ZNF787: variants seen among roughly 807,000 people sequenced by gnomAD.
ZNF787 encodes the protein TTF-I-interacting peptide 20.
In ZNF787, 7 loss-of-function variants were observed where a neutral mutation model predicts 16.9. The ratio of observed to expected loss-of-function variants is 0.42; its 90% CI spans 0.24 to 0.78. The LOEUF (loss-of-function observed/expected upper bound fraction) is 0.78. ZNF787 is among the 30% of genes least tolerant of loss of function. The pLI, the probability that ZNF787 is intolerant of heterozygous loss-of-function variation, is 0.30. For missense variants in ZNF787, 551 were observed against 589.3 expected (o/e 0.94, Z 0.67); for synonymous variants, 345 against 270.9 (o/e 1.27, Z -2.69).
At chr19:56,110,165 G>C (rs553759371) in intron 1 of ZNF787, among the ~76,000 whole-genome samples, 3 of 152,288 alleles carry the variant, frequency 2.0e-5, no homozygotes, top group African/African-American at 7.2e-5. Flanking sequence ...TTCAAGACCA[G>C]CCCGGCCAAT....
chr19:56,113,546 A>G (rs2030043404), intron 1 of ZNF787, among the ~76,000 whole-genome samples: 1 of 152,204 alleles, frequency 6.6e-6, no homozygotes, highest in Non-Finnish European at 1.5e-5. Flanking sequence ...TGTGAAGTTC[A>G]GCTGTGACAG....
chr19:56,105,029 A>G (rs913026521), intron 1 of ZNF787, among the ~76,000 whole-genome samples: 3 of 152,158 alleles, frequency 2.0e-5, no homozygotes, highest in Non-Finnish European at 4.4e-5. Flanking sequence ...TCAGGAGGCT[A>G]AGGCAGGAGA....
chr19:56,107,339 CTG>C (rs1292339444), intron 1 of ZNF787, among the ~76,000 whole-genome samples: 2 of 152,172 alleles, frequency 1.3e-5, no homozygotes, highest in Admixed American at 6.5e-5. Context: ...GCCTCAGAAA[CTG>C]TGTTCAAATC....
chr19:56,089,882 G>A (rs1481774298), intron 2 of ZNF787, among the ~76,000 whole-genome samples: 4 of 152,144 alleles, frequency 2.6e-5, no homozygotes, highest in East Asian at 1.9e-4. Flanking sequence ...GGGCTCTCCC[G>A]GGAGGGATGG....
chr19:56,087,858 A>G lies in ZNF787; in HGVS notation c.*165T>C. The G allele has an allele frequency of 1.8e-6, 2 of 1,135,440 alleles. No individual in the cohort carries two copies. Among genetic ancestry groups the G allele is most frequent in the Non-Finnish European group, 2.2e-6 (2 of 894,528 alleles). 70.3% of individuals were successfully genotyped at this position (1,135,440 alleles called of 1,614,324 possible). A position where few individuals can be genotyped will look rare whatever the true frequency, so the allele number is the denominator to read the frequency against. On this transcript the variant is annotated 3_prime_UTR_variant, in exon 3 of 3. Coordinates refer to ENST00000610935, the MANE Select transcript of ZNF787 (RefSeq NM_001002836.4). ...AAGTGAACGGGCCCTAATACGCCCC[A>G]GTGCCCCCCCACGGACGGCGCAGGG...
chr19:56,102,330 G>GTGGGGCCAGCGTGGGCCTGGGACC (rs1986131177), intron 2 of ZNF787: 1 of 152,928 alleles, frequency 6.5e-6, no homozygotes, highest in Non-Finnish European at 1.5e-5. Flanking sequence ...CCCGGCCAGC[G>GTGGGGCCAGCGTGGGCCTGGGACC]TGGGGCCAGC....
At chr19:56,109,246 G>A (rs1421594142) in intron 1 of ZNF787, among the ~76,000 whole-genome samples, 1 of 152,198 alleles carries the variant, frequency 6.6e-6, no homozygotes, top group African/African-American at 2.4e-5. Context: ...TAGATGGCTG[G>A]GTGCTGGGGG....
chr19:56,114,638 C>A (rs1201152069), intron 1 of ZNF787, among the ~76,000 whole-genome samples: 1 of 152,184 alleles, frequency 6.6e-6, no homozygotes, highest in Non-Finnish European at 1.5e-5. Flanking sequence ...CCCACCTTTC[C>A]CATGGCAGGG....
chr19:56,109,834 A>G (rs1345907225), intron 1 of ZNF787, among the ~76,000 whole-genome samples: 2 of 152,092 alleles, frequency 1.3e-5, no homozygotes, highest in Non-Finnish European at 2.9e-5. Context: ...CAGTGAGCCG[A>G]GATCACGCCA....
intron 1 of ZNF787, among the ~76,000 whole-genome samples, chr19:56,113,288 C>G: frequency 6.6e-6 from 1 of 152,092 alleles, no homozygotes; most frequent in East Asian, 1.9e-4. Context: ...CTGGTGCGGG[C>G]GCCATAGGAA....
At chr19:56,106,413 T>C (rs1370658679) in intron 1 of ZNF787, among the ~76,000 whole-genome samples, 1 of 152,252 alleles carries the variant, frequency 6.6e-6, no homozygotes, top group Non-Finnish European at 1.5e-5. Flanking sequence ...CATCCATTTA[T>C]TTCTGTGGAC....
intron 1 of ZNF787, among the ~76,000 whole-genome samples, chr19:56,111,847 G>A (rs1017642190): frequency 1.3e-5 from 2 of 152,162 alleles, no homozygotes; most frequent in African/African-American, 2.4e-5. Flanking sequence ...TCTGCCACCC[G>A]CGGAAATGGC....
intron 2 of ZNF787, among the ~76,000 whole-genome samples, chr19:56,098,218 A>G (rs1040320441): frequency 6.6e-6 from 1 of 152,206 alleles, no homozygotes; most frequent in Non-Finnish European, 1.5e-5. Flanking sequence ...AACAGGGGAC[A>G]TGGCCGGGAG....
Position 56,091,720 on chromosome 19 carries a change from G to A in ZNF787, c.80-2628C>T, listed in dbSNP as rs529903419. The stretch of plus-strand genomic sequence containing the variant: ...AGTTAAGCACTGTTAAATGGACAGG[G>A]TTTAATTACTTAAAAGGCAGGGCTC... On this transcript the variant is annotated intron_variant, in intron 2 of 2. Coordinates refer to ENST00000610935, the MANE Select transcript of ZNF787 (RefSeq NM_001002836.4). Among the ~76,000 whole-genome samples the A allele has an allele frequency of 6.6e-5, 10 of 152,346 alleles. No homozygotes were observed. In the South Asian group the frequency reaches 2.1e-3, roughly 32 times the overall value.
intron 1 of ZNF787, among the ~76,000 whole-genome samples, chr19:56,112,934 C>G (rs1472773947): frequency 6.7e-6 from 1 of 150,252 alleles, no homozygotes; most frequent in African/African-American, 2.5e-5. Flanking sequence ...TCCCTCCCAC[C>G]CTCACTCTCT....
intron 2 of ZNF787, among the ~76,000 whole-genome samples, chr19:56,096,169 G>C (rs138722505): frequency 1.6e-3 from 247 of 151,822 alleles, no homozygotes; most frequent in African/African-American, 5.6e-3. Context: ...CAAAGCAGGA[G>C]GTTAACTTGA....
Position 56,087,603 on chromosome 19 carries a change from C to T in ZNF787, c.*420G>A, listed in dbSNP as rs73615708. The stretch of plus-strand genomic sequence containing the variant: ...AGAAAATTCTAAAAGAGAAAAGGGC[C>T]CCTGGTTCTCTTCCCTCTCTGGGAT... On this transcript the variant is annotated 3_prime_UTR_variant, in exon 3 of 3. Coordinates refer to ENST00000610935, the MANE Select transcript of ZNF787 (RefSeq NM_001002836.4). The T allele has an allele frequency of 7.1e-4, 113 of 159,658 alleles. 1 individual carries two copies. The highest frequency in any genetic ancestry group is 2.6e-3 in the African/African-American group (108 of 41,800). 9.9% of individuals were successfully genotyped at this position (159,658 alleles called of 1,614,324 possible). A position where few individuals can be genotyped will look rare whatever the true frequency, so the allele number is the denominator to read the frequency against.
intron 2 of ZNF787, among the ~76,000 whole-genome samples, chr19:56,098,758 G>A (rs535623656): frequency 4.2e-5 from 5 of 118,724 alleles, no homozygotes; most frequent in African/African-American, 1.7e-4. Context: ...GCCGCTGGGT[G>A]ATGGAGCCTA....
intron 1 of ZNF787, among the ~76,000 whole-genome samples, chr19:56,112,923 C>T (rs1001783349): frequency 1.6e-4 from 21 of 133,556 alleles, no homozygotes; most frequent in African/African-American, 5.2e-4. Context: ...TGGCCCTTTC[C>T]TCCCTCCCAC....
Sources: gnomAD v4.1 joint callset for allele counts (sites outside exome capture counted in the v4.1 genomes callset) on GRCh38, gnomAD v4.1.1 for gene constraint, MANE v1.5 for transcripts, NCBI Gene and HGNC (gene_info 2026-07-23, HGNC 2026-07-21) for gene names.